PDE1C: variants seen among roughly 807,000 people sequenced by gnomAD.
PDE1C encodes phosphodiesterase 1C.
PDE1C carries 62 observed loss-of-function variants against 93.1 expected under a neutral mutation model. That is an observed-to-expected ratio of 0.67 (90% CI 0.54 to 0.82). PDE1C has a LOEUF of 0.82. PDE1C is among the 40% of genes least tolerant of loss of function. The pLI is 0.00. For synonymous variants in PDE1C, 325 were observed against 310.1 expected (o/e 1.05, Z -0.50); for missense variants, 742 against 884.6 (o/e 0.84, Z 2.04).
chr7:32,107,305 G>A (rs1431655980), intron 3 of PDE1C, among the ~76,000 whole-genome samples: 1 of 149,390 alleles, frequency 6.7e-6, no homozygotes. Context: ...AGGGAGGAAA[G>A]GAAGGAAAGA....
At chr7:32,260,112 C>A (rs1208780579) in intron 1 of PDE1C, among the ~76,000 whole-genome samples, 4 of 152,164 alleles carry the variant, frequency 2.6e-5, no homozygotes, top group African/African-American at 9.7e-5. Context: ...GGTCACCTGA[C>A]CAGAGGAGAC....
chr7:31,858,384 G>A (rs1213323141), intron 7 of PDE1C, among the ~76,000 whole-genome samples: 3 of 152,132 alleles, frequency 2.0e-5, no homozygotes, highest in South Asian at 2.1e-4. Flanking sequence ...CACTCAGGAG[G>A]GTGGCTGTTT....
intron 3 of PDE1C, among the ~76,000 whole-genome samples, chr7:32,107,370 G>T (rs1372144469): frequency 2.6e-5 from 4 of 151,822 alleles, no homozygotes; most frequent in African/African-American, 9.7e-5. Context: ...GAGGGAGCAA[G>T]GGAGGGAAGG....
chr7:32,065,321 C>G (rs1232746557), intron 1 of PDE1C, among the ~76,000 whole-genome samples: 3 of 152,190 alleles, frequency 2.0e-5, no homozygotes, highest in Non-Finnish European at 4.4e-5. Context: ...TTTCTCTCAT[C>G]TTTGTAAAAG....
At chr7:31,885,500 C>A (rs187353273) in intron 2 of PDE1C, among the ~76,000 whole-genome samples, 1 of 152,190 alleles carries the variant, frequency 6.6e-6, no homozygotes, top group African/African-American at 2.4e-5. Context: ...TTCTTACCTG[C>A]AAGGCATATG....
intron 1 of PDE1C, among the ~76,000 whole-genome samples, chr7:32,273,072 A>G (rs11771559): frequency 0.14 from 21,941 of 152,202 alleles, 1,726 homozygotes; most frequent in East Asian, 0.3. Context: ...CAGGTTGTTA[A>G]AGAAGTGCTC....
At chr7:32,081,832 G>T (rs1796679672) in intron 3 of PDE1C, among the ~76,000 whole-genome samples, 4 of 152,198 alleles carry the variant, frequency 2.6e-5, no homozygotes, top group Admixed American at 2.6e-4. Context: ...TAATAACCAT[G>T]GCTTTTAGAA....
chr7:31,956,425 G>T (rs1188299935), intron 2 of PDE1C, among the ~76,000 whole-genome samples: 1 of 151,556 alleles, frequency 6.6e-6, no homozygotes, highest in Non-Finnish European at 1.5e-5. Flanking sequence ...CAGGCAGACA[G>T]TCTGTAACAG....
At chr7:31,844,423 A>T (rs952504577) in intron 9 of PDE1C, among the ~76,000 whole-genome samples, 1 of 151,726 alleles carries the variant, frequency 6.6e-6, no homozygotes, top group Non-Finnish European at 1.5e-5. Context: ...TGTTCACAGG[A>T]TGTAGCATCC....
At chr7:32,083,231 A>G (rs1346350894) in intron 3 of PDE1C, among the ~76,000 whole-genome samples, 3 of 152,026 alleles carry the variant, frequency 2.0e-5, no homozygotes, top group African/African-American at 7.2e-5. Flanking sequence ...CAATGCGATC[A>G]ACTGGAAGAA....
chr7:32,395,961 A>G (rs1784833664), intron 1 of PDE1C, among the ~76,000 whole-genome samples: 1 of 152,198 alleles, frequency 6.6e-6, no homozygotes, highest in African/African-American at 2.4e-5. Flanking sequence ...ACAACATAGT[A>G]TTATATCTTA....
the PDE1C span, among the ~76,000 whole-genome samples, chr7:31,736,616 G>C: frequency 6.6e-6 from 1 of 152,272 alleles, no homozygotes; most frequent in African/African-American, 2.4e-5. Context: ...GCTAATGCTA[G>C]AGCCTTTAAC....
intron 2 of PDE1C, among the ~76,000 whole-genome samples, chr7:31,931,392 T>C (rs577405732): frequency 6.6e-6 from 1 of 152,348 alleles, no homozygotes; most frequent in African/African-American, 2.4e-5. Flanking sequence ...CAGCAAAGTC[T>C]CAGGAAACAA....
At chr7:31,773,026 T>C (rs1379801845) in intron 17 of PDE1C, among the ~76,000 whole-genome samples, 1 of 152,220 alleles carries the variant, frequency 6.6e-6, no homozygotes, top group East Asian at 1.9e-4. Context: ...GGTGAGCACA[T>C]CTGCTAGTGA....
intron 2 of PDE1C, among the ~76,000 whole-genome samples, chr7:31,976,877 G>C (rs1811739472): frequency 6.6e-6 from 1 of 152,112 alleles, no homozygotes; most frequent in South Asian, 2.1e-4. Flanking sequence ...ATCTGCCACT[G>C]ACCAATTCAT....
chr7:31,679,716 C>G, the PDE1C span, among the ~76,000 whole-genome samples: 1 of 152,172 alleles, frequency 6.6e-6, no homozygotes, highest in Non-Finnish European at 1.5e-5. Context: ...ATAAACGGTG[C>G]GTTGTGTCTG....
chr7:32,354,975 G>T (rs911051915), intron 1 of PDE1C, among the ~76,000 whole-genome samples: 1 of 152,186 alleles, frequency 6.6e-6, no homozygotes, highest in African/African-American at 2.4e-5. Flanking sequence ...TCCCTCTCTG[G>T]AGGACTTCGT....
intron 1 of PDE1C, among the ~76,000 whole-genome samples, chr7:32,341,177 T>TTTTATTTTTTTTTTTTTA (rs1562682182): frequency 9.1e-6 from 1 of 109,406 alleles, no homozygotes; most frequent in Non-Finnish European, 2.0e-5. Flanking sequence ...TAAAGTCTTT[T>TTTTATTTTTTTTTTTTTA]TTTTTTTTTT....
intron 1 of PDE1C, among the ~76,000 whole-genome samples, chr7:32,231,552 C>T (rs906950927): frequency 1.4e-4 from 21 of 151,950 alleles, no homozygotes; most frequent in Non-Finnish European, 2.9e-4. Context: ...AAAAAGGATA[C>T]AAGAAAACAC....
Sources: gnomAD v4.1 joint callset for allele counts (sites outside exome capture counted in the v4.1 genomes callset) on GRCh38, gnomAD v4.1.1 for gene constraint, MANE v1.5 for transcripts, NCBI Gene and HGNC (gene_info 2026-07-23, HGNC 2026-07-21) for gene names.